Variants in COL19A1 observed in about 807,000 individuals in gnomAD.
COL19A1 encodes collagen alpha-1(XIX) chain.
In COL19A1, 159 loss-of-function variants were observed where a neutral mutation model predicts 190.2. The observed-to-expected ratio is 0.84, with a 90% CI of 0.73 to 0.95. The LOEUF (loss-of-function observed/expected upper bound fraction) is 0.95. Ranked by LOEUF, COL19A1 falls within the 40% of genes least tolerant of loss-of-function variation. The probability of loss-of-function intolerance (pLI) is 0.00; values close to 1 mark genes in which losing one functional copy is unlikely to be tolerated. For missense variants in COL19A1, 1,418 were observed against 1,431.9 expected, an observed-to-expected ratio of 0.99 and a Z score of 0.16; for synonymous variants, 509 against 458.9, an observed-to-expected ratio of 1.11 and a Z score of -1.39.
rs74365246 is a variant in COL19A1 at position 70,200,652 on chromosome 6, G to A, written c.3223+916G>A. ...TCCAAAATAATATATATGCAAAGAAGTGTTTTTCTGTCACCAGTTTCCTTC... is the reference window on the plus strand; with the variant it reads ...TCCAAAATAATATATATGCAAAGAAATGTTTTTCTGTCACCAGTTTCCTTC... On this transcript the variant is annotated intron_variant, in intron 49 of 50. Coordinates refer to ENST00000620364, the MANE Select transcript of COL19A1 (RefSeq NM_001858.6). 5.5e-3 allele frequency among the ~76,000 whole-genome samples: 845 copies of A among 152,308 alleles called. 13 individuals are homozygous for A. The highest frequency in any genetic ancestry group is 0.019 in the African/African-American group (798 of 41,566).
At chr6:69,999,879 A>C (rs1209609149) in intron 11 of COL19A1, among the ~76,000 whole-genome samples, 2 of 152,110 alleles carry the variant, frequency 1.3e-5, no homozygotes, top group Non-Finnish European at 2.9e-5. Context: ...TTTTAATTTT[A>C]AAATTTATTT....
chr6:70,102,726 GA>G (rs151182780), intron 16 of COL19A1, among the ~76,000 whole-genome samples: 24 of 149,522 alleles, frequency 1.6e-4, no homozygotes, highest in African/African-American at 2.7e-4. Flanking sequence ...CAAGCTTCTA[GA>G]AAAAAAAAAT....
intron 18 of COL19A1, among the ~76,000 whole-genome samples, chr6:70,135,105 A>T (rs1785768206): frequency 6.6e-6 from 1 of 152,136 alleles, no homozygotes; most frequent in Non-Finnish European, 1.5e-5. Flanking sequence ...ATTATAAAGG[A>T]TGTTACAAAG....
chr6:70,036,195 C>T (rs1309766020), intron 14 of COL19A1, among the ~76,000 whole-genome samples: 1 of 152,184 alleles, frequency 6.6e-6, no homozygotes, highest in Non-Finnish European at 1.5e-5. Context: ...CCTCTATCCT[C>T]CATATGGCTC....
intron 11 of COL19A1, among the ~76,000 whole-genome samples, chr6:69,988,352 G>A (rs765789765): frequency 1.2e-4 from 18 of 152,162 alleles, no homozygotes; most frequent in Non-Finnish European, 2.2e-4. Context: ...ATTACTTAGT[G>A]TGCTTAGTGC....
intron 15 of COL19A1, among the ~76,000 whole-genome samples, chr6:70,076,729 CA>C (rs1750099980): frequency 6.6e-6 from 1 of 152,198 alleles, no homozygotes; most frequent in African/African-American, 2.4e-5. Flanking sequence ...ACTTTAAATG[CA>C]CTCTGGTGAC....
chr6:70,069,921 A>G (rs1326739085), intron 15 of COL19A1, among the ~76,000 whole-genome samples: 1 of 152,144 alleles, frequency 6.6e-6, no homozygotes, highest in East Asian at 1.9e-4. Context: ...GCCTTATGCT[A>G]CTTTAAAATT....
At chr6:69,937,487 A>T (rs1045369976) in intron 8 of COL19A1, among the ~76,000 whole-genome samples, 1 of 152,066 alleles carries the variant, frequency 6.6e-6, no homozygotes, top group Admixed American at 6.6e-5. Context: ...TCCTTTATGG[A>T]TGTTAATGGC....
Position 70,150,146 on chromosome 6 carries a change from G to T in COL19A1, c.2037+101G>T, listed in dbSNP as rs558765153. Reference sequence around the variant, plus strand: ...GCTGTCCAAACTAATTAGAATGCTCGGTGACTGCTTGGTGATTTTGTTTAT... The same window carrying T: ...GCTGTCCAAACTAATTAGAATGCTCTGTGACTGCTTGGTGATTTTGTTTAT... On this transcript the variant is annotated intron_variant, in intron 30 of 50. Transcript: ENST00000620364. The T allele has an allele frequency of 9.4e-6, 11 of 1,174,458 alleles. No individual in the cohort carries two copies. In the East Asian group the frequency reaches 2.6e-4, roughly 28 times the overall value. The allele number at this position is 1,174,458 out of a possible 1,614,324, so 72.8% of individuals were successfully genotyped here.
intron 11 of COL19A1, among the ~76,000 whole-genome samples, chr6:69,986,964 G>A (rs780306491): frequency 3.9e-5 from 6 of 152,164 alleles, no homozygotes; most frequent in African/African-American, 7.2e-5. Context: ...TCTGTCACCC[G>A]GGCTGGAGTG....
intron 30 of COL19A1, among the ~76,000 whole-genome samples, chr6:70,151,100 A>G (rs955847282): frequency 6.6e-6 from 1 of 152,194 alleles, no homozygotes; most frequent in African/African-American, 2.4e-5. Flanking sequence ...TACCAGGGAC[A>G]GCATAAAGGT....
intron 4 of COL19A1, among the ~76,000 whole-genome samples, chr6:69,904,733 CTT>C (rs1184553959): frequency 2.6e-5 from 4 of 152,214 alleles, no homozygotes; most frequent in African/African-American, 7.2e-5. Context: ...CAAGGTCAAA[CTT>C]ACAGCTGTTG....
intron 8 of COL19A1, 96 bp from the exon 9 acceptor site, chr6:69,937,942 G>GT: frequency 8.5e-7 from 1 of 1,174,276 alleles, no homozygotes; most frequent in Non-Finnish European, 1.2e-6. Context: ...AGAACAAAGC[G>GT]TTATCTTGCT....
chr6:70,062,944 A>T (rs1415250906), intron 14 of COL19A1, among the ~76,000 whole-genome samples: 2 of 152,118 alleles, frequency 1.3e-5, no homozygotes, highest in African/African-American at 2.4e-5. Flanking sequence ...TCCTAAATAT[A>T]TATGCACCCA....
chr6:70,141,390 A>C (rs773295508), intron 20 of COL19A1, among the ~76,000 whole-genome samples: 19 of 152,256 alleles, frequency 1.2e-4, no homozygotes, highest in Non-Finnish European at 1.9e-4. Context: ...CAGAAAATTT[A>C]AAAAGCAAAC....
chr6:70,206,128 A>C (rs1186870822), intron 49 of COL19A1, among the ~76,000 whole-genome samples: 1 of 152,140 alleles, frequency 6.6e-6, no homozygotes, highest in East Asian at 1.9e-4. Flanking sequence ...CATTTCCTTT[A>C]ATTCTTGGAA....
At chr6:70,128,685 C>T (rs996360738) in intron 17 of COL19A1, among the ~76,000 whole-genome samples, 9 of 152,116 alleles carry the variant, frequency 5.9e-5, no homozygotes, top group Non-Finnish European at 1.2e-4. Flanking sequence ...AAGGCTATTG[C>T]AATAGGAGAG....
chr6:69,985,518 G>A (rs1036795688), intron 11 of COL19A1, among the ~76,000 whole-genome samples: 1 of 151,988 alleles, frequency 6.6e-6, no homozygotes, highest in Non-Finnish European at 1.5e-5. Flanking sequence ...TTTAAAATGA[G>A]TATCAAGAGT....
chr6:69,936,031 C>T (rs1034181936), intron 7 of COL19A1, among the ~76,000 whole-genome samples: 1 of 152,056 alleles, frequency 6.6e-6, no homozygotes, highest in African/African-American at 2.4e-5. Flanking sequence ...GCTTTCTCTT[C>T]GTGAAATTGC....
Sources: gnomAD v4.1 joint callset for allele counts (sites outside exome capture counted in the v4.1 genomes callset) on GRCh38, gnomAD v4.1.1 for gene constraint, MANE v1.5 for transcripts, NCBI Gene and HGNC (gene_info 2026-07-23, HGNC 2026-07-21) for gene names.